Variants in RERE observed in about 807,000 individuals in gnomAD.
The protein encoded by RERE is arginine-glutamic acid dipeptide repeats protein.
RERE carries 40 observed loss-of-function variants against 146.1 expected under a neutral mutation model. That is an observed-to-expected ratio of 0.27 (90% CI 0.21 to 0.36). The LOEUF is 0.36. Among genes scored for constraint, RERE ranks in the 10% least tolerant of loss-of-function variants. RERE has a pLI of 1.00. For synonymous variants in RERE, 1,003 were observed against 866.0 expected (o/e 1.16, Z -2.78); for missense variants, 1,933 against 2,138.7 (o/e 0.90, Z 1.90).
At chr1:8,607,893 T>C (rs888445620) in intron 4 of RERE, among the ~76,000 whole-genome samples, 1 of 151,914 alleles carries the variant, frequency 6.6e-6, no homozygotes, top group Non-Finnish European at 1.5e-5. Flanking sequence ...GCCTGGCTAA[T>C]TTTTGTATTT....
Position 8,364,299 on chromosome 1 carries a change from T to G in RERE, c.1541-44A>C. The G allele has an allele frequency of 6.4e-7, 1 of 1,561,076 alleles. No homozygotes were observed. The highest frequency in any genetic ancestry group is 2.2e-5 in the East Asian group (1 of 44,644). ...GGGGGCCAACCTTGGAAACCATCCC[T>G]CTCCCTGGGGATGTCTGGGCAGAGG... On this transcript the variant is annotated intron_variant, in intron 14 of 22. Coordinates refer to ENST00000400908, the MANE Select transcript of RERE (RefSeq NM_001042681.2). This position sits in a 1 kb window ranked among gnomAD's most constrained non-coding sequence, Gnocchi z 5.1.
chr1:8,805,689 T>TGGTG (rs1436421358), intron 1 of RERE, among the ~76,000 whole-genome samples: 2 of 149,220 alleles, frequency 1.3e-5, no homozygotes, highest in African/African-American at 2.5e-5. Flanking sequence ...TAGTCAGGCA[T>TGGTG]GGTGGTGTGT....
chr1:8,657,939 T>A (rs930699245), intron 1 of RERE, among the ~76,000 whole-genome samples: 3 of 152,164 alleles, frequency 2.0e-5, no homozygotes, highest in Admixed American at 2.0e-4. Context: ...GTTTTTACAG[T>A]CTTCCAGATT....
chr1:8,489,039 G>A (rs970456239), intron 10 of RERE, among the ~76,000 whole-genome samples: 3 of 152,000 alleles, frequency 2.0e-5, no homozygotes, highest in Non-Finnish European at 2.9e-5. Context: ...ATATATTAAA[G>A]TCAACATTAA....
chr1:8,633,326 G>A (rs369439001), intron 2 of RERE, among the ~76,000 whole-genome samples: 14 of 152,254 alleles, frequency 9.2e-5, no homozygotes, highest in East Asian at 3.9e-4. Context: ...AGGAGGTTGA[G>A]GTGGGAGGAT....
At chr1:8,578,602 G>A (rs865898631) in intron 4 of RERE, among the ~76,000 whole-genome samples, 3 of 151,968 alleles carry the variant, frequency 2.0e-5, no homozygotes, top group African/African-American at 7.2e-5. Context: ...ACCAGCCAGA[G>A]CATCTATCAC....
At chr1:8,537,005 C>A (rs1415325477) in intron 7 of RERE, among the ~76,000 whole-genome samples, 1 of 152,018 alleles carries the variant, frequency 6.6e-6, no homozygotes, top group Non-Finnish European at 1.5e-5. Context: ...GATTTAGAGA[C>A]CAGCCTGGGG....
rs566990133 is a variant in RERE at position 8,601,905 on chromosome 1, C to T, written c.522+12656G>A. On this transcript the variant is annotated intron_variant, in intron 4 of 22. Transcript: ENST00000400908. The stretch of plus-strand genomic sequence containing the variant: ...ACAAGGCCCTATGGCAGTGCAGCAG[C>T]GCTCTCCATTCTAATCAGGCATCGA... Among the ~76,000 whole-genome samples, 19 of 152,258 alleles carry T rather than the reference C, an allele frequency of 1.2e-4. No individual in the cohort carries two copies. The East Asian group carries it at 2.3e-3, about 19-fold the overall frequency.
At chr1:8,449,894 A>C (rs561530269) in intron 11 of RERE, among the ~76,000 whole-genome samples, 8 of 152,174 alleles carry the variant, frequency 5.3e-5, no homozygotes, top group African/African-American at 1.9e-4. Flanking sequence ...GAATAGTAAC[A>C]TGGAATGAGA....
chr1:8,533,425 G>C (rs1286844495), intron 7 of RERE, among the ~76,000 whole-genome samples: 1 of 152,146 alleles, frequency 6.6e-6, no homozygotes, highest in African/African-American at 2.4e-5. Flanking sequence ...GGTTTCTTCC[G>C]ATATTTCTGA....
chr1:8,368,438 C>A (rs1350015698), intron 12 of RERE, among the ~76,000 whole-genome samples: 1 of 149,672 alleles, frequency 6.7e-6, no homozygotes, highest in Non-Finnish European at 1.5e-5. Context: ...CGTGCCACTG[C>A]ACTCCAGCCT....
chr1:8,743,835 G>A (rs1246933294), intron 1 of RERE, among the ~76,000 whole-genome samples: 3 of 151,890 alleles, frequency 2.0e-5, no homozygotes, highest in Non-Finnish European at 2.9e-5. Flanking sequence ...ATCTCAGCTT[G>A]CCATTTCCCC....
Position 8,360,748 on chromosome 1 carries a change from G to A in RERE, c.2759C>T (p.Pro920Leu), listed in dbSNP as rs757978932. Residue 920 changes from proline to leucine, a missense_variant, in exon 18 of 23, where the codon CCA becomes CTA. Transcript: ENST00000400908. Reference protein sequence around the residue: ...QQPPREQPLPPAPLAMPHIKP... With the variant: ...QQPPREQPLPLAPLAMPHIKP... Reference sequence around the variant, plus strand: ...GATGTGGGGCATGGCCAAGGGCGCTGGTGGCAGGGGCTGCTCCCGTGGAGG... The same window carrying A: ...GATGTGGGGCATGGCCAAGGGCGCTAGTGGCAGGGGCTGCTCCCGTGGAGG... 1.1e-5 allele frequency: 17 copies of A among 1,600,434 alleles called. No homozygotes were observed. In the South Asian group the frequency reaches 1.7e-4, roughly 16 times the overall value.
At chr1:8,554,946 C>T (rs1011381640) in intron 6 of RERE, among the ~76,000 whole-genome samples, 2 of 152,188 alleles carry the variant, frequency 1.3e-5, no homozygotes, top group African/African-American at 2.4e-5. Flanking sequence ...ATAATCAACC[C>T]TGCATTAACT....
chr1:8,371,045 C>G (rs11121174), intron 12 of RERE, among the ~76,000 whole-genome samples: 34,984 of 152,044 alleles, frequency 0.23, 4,686 homozygotes, highest in African/African-American at 0.36. Flanking sequence ...TCTTATGTCT[C>G]GGTGCTATAA....
At chr1:8,601,769 ACAC>A (rs1646633493) in intron 4 of RERE, among the ~76,000 whole-genome samples, 1 of 150,224 alleles carries the variant, frequency 6.7e-6, no homozygotes, top group African/African-American at 2.5e-5. Context: ...ACACACACAC[ACAC>A]ACACAAACAC....
At chr1:8,523,043 T>A (rs1283621237) in intron 7 of RERE, among the ~76,000 whole-genome samples, 1 of 151,796 alleles carries the variant, frequency 6.6e-6, no homozygotes, top group Non-Finnish European at 1.5e-5. Context: ...CCAGGTGTGG[T>A]GGCGCCCACC....
chr1:8,661,605 G>A (rs1484661077), intron 1 of RERE, among the ~76,000 whole-genome samples: 1 of 152,120 alleles, frequency 6.6e-6, no homozygotes, highest in Non-Finnish European at 1.5e-5. Flanking sequence ...AAAGTCTCAT[G>A]TTTGTATGTT....
chr1:8,556,604 C>T, intron 5 of RERE, 33 bp from the exon 6 acceptor site: 1 of 1,335,146 alleles, frequency 7.5e-7, no homozygotes, highest in Non-Finnish European at 1.1e-6. Flanking sequence ...GACATTAAAA[C>T]TGAGTTTCCC....
Sources: gnomAD v4.1 joint callset for allele counts (sites outside exome capture counted in the v4.1 genomes callset) on GRCh38, gnomAD v4.1.1 for gene constraint, Gnocchi (gnomAD v3.1) non-coding constraint, MANE v1.5 for transcripts, NCBI Gene and HGNC (gene_info 2026-07-23, HGNC 2026-07-21) for gene names.